CHN2: variants seen among roughly 807,000 people sequenced by gnomAD.
CHN2 encodes the protein chimerin 2.
In CHN2, 35 loss-of-function variants were observed where a neutral mutation model predicts 56.3. The observed-to-expected ratio is 0.62, with a 90% confidence interval of 0.47 to 0.82. The LOEUF is 0.82. Among genes scored for constraint, CHN2 ranks in the 40% least tolerant of loss-of-function variants. CHN2 has a pLI of 0.00. For missense variants in CHN2, 491 were observed against 580.5 expected (o/e 0.85, Z 1.58); for synonymous variants, 210 against 212.8 (o/e 0.99, Z 0.12).
chr7:29,415,286 G>A (rs185197941), intron 6 of CHN2, among the ~76,000 whole-genome samples: 16 of 152,320 alleles, frequency 1.1e-4, no homozygotes, highest in Admixed American at 5.2e-4. Context: ...CTGGCACTTG[G>A]GGAGTCAGAC....
chr7:29,507,448 C>G (rs958660681), intron 11 of CHN2, 83 bp downstream of exon 11: 1 of 1,050,894 alleles, frequency 9.5e-7, no homozygotes, highest in Non-Finnish European at 1.4e-6. Flanking sequence ...AAACTCAGAA[C>G]TGTTTAAATT....
chr7:29,214,206 C>T (rs1453419446), intron 1 of CHN2, among the ~76,000 whole-genome samples: 1 of 152,100 alleles, frequency 6.6e-6, no homozygotes, highest in Non-Finnish European at 1.5e-5. Flanking sequence ...GAGTAATTAT[C>T]AGTAAACACC....
At chr7:29,195,629 A>AGAGAGAGAGAGT (rs869037854) in intron 1 of CHN2, among the ~76,000 whole-genome samples, 32 of 117,564 alleles carry the variant, frequency 2.7e-4, no homozygotes, top group South Asian at 1.1e-3. Context: ...AGAGAGAGAG[A>AGAGAGAGAGAGT]GTGTGTGTGT....
At chr7:29,440,448 T>C (rs897201786) in intron 6 of CHN2, among the ~76,000 whole-genome samples, 2 of 152,000 alleles carry the variant, frequency 1.3e-5, no homozygotes, top group African/African-American at 2.4e-5. Flanking sequence ...CTTAGCACTT[T>C]GGGAGGCCGA....
chr7:29,258,340 G>A (rs1258322509), intron 1 of CHN2, among the ~76,000 whole-genome samples: 1 of 152,090 alleles, frequency 6.6e-6, no homozygotes, highest in East Asian at 1.9e-4. Flanking sequence ...CTACAATCAG[G>A]CCTCAAACTA....
At chr7:29,461,556 T>TTA (rs150652920) in intron 6 of CHN2, among the ~76,000 whole-genome samples, 10,230 of 152,220 alleles carry the variant, frequency 0.067, 769 homozygotes, top group African/African-American at 0.19. Flanking sequence ...AGCCAAAGAC[T>TTA]AAAAAATAGG....
chr7:29,303,999 G>A (rs958797446), intron 1 of CHN2, among the ~76,000 whole-genome samples: 1 of 152,022 alleles, frequency 6.6e-6, no homozygotes, highest in Admixed American at 6.5e-5. Flanking sequence ...GGCGGAGATT[G>A]CAGTGAGCCG....
intron 6 of CHN2, among the ~76,000 whole-genome samples, chr7:29,423,975 T>C (rs1804596876): frequency 6.6e-6 from 1 of 152,240 alleles, no homozygotes; most frequent in South Asian, 2.1e-4. Flanking sequence ...GGACCATTCT[T>C]CTGCCTCCCA....
At chr7:29,500,068 G>A (rs1562665069) in intron 9 of CHN2, 28 bp downstream of exon 9, 3 of 1,435,338 alleles carry the variant, frequency 2.1e-6, no homozygotes, top group Admixed American at 5.2e-5. Flanking sequence ...TATTATAGTA[G>A]TATAGTGATT....
intron 1 of CHN2, among the ~76,000 whole-genome samples, chr7:29,278,071 CT>C (rs1165032617): frequency 6.6e-6 from 1 of 152,216 alleles, no homozygotes; most frequent in Non-Finnish European, 1.5e-5. Flanking sequence ...GCTGAACCAC[CT>C]TGTCTGTGAC....
rs371416994 is a variant in CHN2 at position 29,383,273 on chromosome 7, G to T, written c.145-10406G>T. Among the ~76,000 whole-genome samples the T allele has an allele frequency of 3.3e-5, 5 of 152,142 alleles. 1 individual carries two copies. The highest frequency in any genetic ancestry group is 3.9e-4 in the East Asian group (2 of 5,190). On this transcript the variant is annotated intron_variant, in intron 3 of 12. Coordinates refer to ENST00000222792, the MANE Select transcript of CHN2 (RefSeq NM_004067.4). The stretch of plus-strand genomic sequence containing the variant: ...GTATGTGTGTGTTGCAGGTGGTGTA[G>T]TTGGAAGGCCTGAGAGCTCTCGAGC...
intron 1 of CHN2, among the ~76,000 whole-genome samples, chr7:29,232,026 T>TCTGAATCATA (rs1257544099): frequency 6.6e-6 from 1 of 152,202 alleles, no homozygotes; most frequent in Non-Finnish European, 1.5e-5. Flanking sequence ...TGTCTTTGTT[T>TCTGAATCATA]CTGAATCATA....
intron 3 of CHN2, among the ~76,000 whole-genome samples, chr7:29,373,819 A>G (rs1799811287): frequency 6.6e-6 from 1 of 152,188 alleles, no homozygotes; most frequent in Admixed American, 6.5e-5. Context: ...ATCATTTTCA[A>G]CTAACTCAGT....
At chr7:29,371,405 T>A (rs2128044984) in intron 3 of CHN2, among the ~76,000 whole-genome samples, 1 of 152,320 alleles carries the variant, frequency 6.6e-6, no homozygotes, top group East Asian at 1.9e-4. Context: ...AAATTAATAT[T>A]TATTGGGCAG....
chr7:29,367,252 C>T (rs1799236279), intron 2 of CHN2, among the ~76,000 whole-genome samples: 1 of 152,086 alleles, frequency 6.6e-6, no homozygotes, highest in African/African-American at 2.4e-5. Flanking sequence ...ACCTGCCTTC[C>T]TCCTTGCCTA....
intron 1 of CHN2, among the ~76,000 whole-genome samples, chr7:29,244,177 C>G (rs575005958): frequency 8.5e-5 from 13 of 152,182 alleles, no homozygotes; most frequent in Non-Finnish European, 1.2e-4. Context: ...TTGATGCTCT[C>G]GGGCTGTCAT....
At position 29,460,629 on chromosome 7, in the gene CHN2, G is replaced by T. The variant is rs1585474047; in HGVS notation, c.577-19650G>T. ...GTTGGAAGAGGCAAAGATCTGAGGG[G>T]CTCTGATTTGGCTTCAGGACCTTTC... On this transcript the variant is annotated intron_variant, in intron 6 of 12. Transcript: ENST00000222792. Among the ~76,000 whole-genome samples the T allele has an allele frequency of 6.6e-5, 10 of 152,204 alleles. No homozygotes were observed. In the South Asian group the frequency reaches 2.1e-3, roughly 31 times the overall value.
rs544893940 is a variant in CHN2 at position 29,512,432 on chromosome 7, TG to T, written c.1236-131del. On this transcript the variant is annotated intron_variant, in intron 12 of 12. Transcript: ENST00000222792. The stretch of plus-strand genomic sequence containing the variant: ...TACCCTTCCAAAAATACCTTTCTGC[TG>T]TTCTGATTCCCAATCTTTTTCTTGC... 3.8e-3 allele frequency: 2,806 copies of T among 741,464 alleles called. 13 individuals carry two copies. The highest frequency in any genetic ancestry group is 4.5e-3 in the Non-Finnish European group (2,183 of 482,746). The allele number at this position is 741,464 out of a possible 1,614,324, so 45.9% of individuals were successfully genotyped here.
intron 1 of CHN2, among the ~76,000 whole-genome samples, chr7:29,252,697 G>A (rs1436434100): frequency 2.6e-5 from 3 of 117,616 alleles, no homozygotes; most frequent in Admixed American, 8.5e-5. Flanking sequence ...CCGGGTTCAC[G>A]CCATTCTCCT....
Sources: allele counts gnomAD v4.1 joint callset (sites outside exome capture counted in the v4.1 genomes callset), GRCh38; gene constraint gnomAD v4.1.1; transcripts MANE v1.5; gene names NCBI Gene and HGNC (gene_info 2026-07-23, HGNC 2026-07-21).